The following GRID1 variants were observed in gnomAD, a reference collection of about 807,000 sequenced individuals.
GRID1 encodes glutamate receptor ionotropic, delta-1.
In GRID1, 28 loss-of-function variants were observed where a neutral mutation model predicts 98.0. The observed-to-expected ratio is 0.29, with a 90% CI of 0.21 to 0.39. The LOEUF (loss-of-function observed/expected upper bound fraction) is 0.39, where lower values mean the gene tolerates loss of function less well. Among genes scored for constraint, GRID1 ranks in the 10% least tolerant of loss-of-function variants. GRID1 has a pLI of 1.00. For missense variants in GRID1, 1,111 were observed against 1,340.5 expected, an observed-to-expected ratio of 0.83 and a Z score of 2.67; for synonymous variants, 553 against 538.5, an observed-to-expected ratio of 1.03 and a Z score of -0.37.
chr10:85,953,248 T>A (rs1842147999), intron 4 of GRID1, among the ~76,000 whole-genome samples: 1 of 152,122 alleles, frequency 6.6e-6, no homozygotes, highest in Non-Finnish European at 1.5e-5. Flanking sequence ...TGGAGGCCAT[T>A]ATTCTTAGCA....
intron 7 of GRID1, 34 bp downstream of exon 7, chr10:85,855,995 T>C: frequency 6.2e-7 from 1 of 1,605,976 alleles, no homozygotes; most frequent in Non-Finnish European, 8.5e-7. Flanking sequence ...GGGGCCTGTC[T>C]TTGGCCAGGT....
At chr10:85,748,054 G>C (rs1842013566) in intron 8 of GRID1, among the ~76,000 whole-genome samples, 1 of 152,132 alleles carries the variant, frequency 6.6e-6, no homozygotes, top group Admixed American at 6.5e-5. Context: ...TGTGTTCAGG[G>C]AAATGAGTCA....
At chr10:86,152,897 A>C (rs890406497) in intron 3 of GRID1, among the ~76,000 whole-genome samples, 2 of 152,188 alleles carry the variant, frequency 1.3e-5, no homozygotes, top group Non-Finnish European at 2.9e-5. Flanking sequence ...CCTCATGACA[A>C]GTGTTCTTTA....
chr10:86,203,884 C>T (rs1367667195), intron 3 of GRID1, among the ~76,000 whole-genome samples: 5 of 152,148 alleles, frequency 3.3e-5, no homozygotes, highest in Non-Finnish European at 5.9e-5. Context: ...AGCCCACACA[C>T]GGCCTCAGAA....
At chr10:85,678,574 C>A (rs1841171341) in intron 12 of GRID1, among the ~76,000 whole-genome samples, 1 of 152,152 alleles carries the variant, frequency 6.6e-6, no homozygotes, top group Non-Finnish European at 1.5e-5. Context: ...TGCACCATAT[C>A]TCTTCTCTAC....
chr10:85,900,550 G>A (rs866329764), intron 5 of GRID1, among the ~76,000 whole-genome samples: 4 of 152,120 alleles, frequency 2.6e-5, no homozygotes, highest in Admixed American at 1.3e-4. Context: ...TCTGCAAAAC[G>A]GCAATACACT....
intron 4 of GRID1, among the ~76,000 whole-genome samples, chr10:86,042,413 G>A (rs150877873): frequency 1.3e-5 from 2 of 152,144 alleles, no homozygotes; most frequent in African/African-American, 4.8e-5. Context: ...AGTACCTGGA[G>A]GAAAGGGATA....
intron 8 of GRID1, among the ~76,000 whole-genome samples, chr10:85,734,660 C>G (rs2356728): frequency 0.59 from 89,548 of 151,878 alleles, 27,711 homozygotes; most frequent in African/African-American, 0.78. Context: ...GGGTAGGAAA[C>G]TTTATTATTC....
intron 3 of GRID1, among the ~76,000 whole-genome samples, chr10:86,182,758 G>A (rs962364813): frequency 4.6e-5 from 7 of 152,116 alleles, no homozygotes; most frequent in African/African-American, 1.2e-4. Context: ...TTTCTCTCTC[G>A]TGTGTGACAG....
At chr10:85,694,582 A>G (rs1030589586) in intron 12 of GRID1, among the ~76,000 whole-genome samples, 2 of 90,380 alleles carry the variant, frequency 2.2e-5, no homozygotes, top group African/African-American at 6.0e-5. Flanking sequence ...ATATATATAT[A>G]TATATATATA....
At chr10:85,928,866 C>A (rs900146065) in intron 4 of GRID1, among the ~76,000 whole-genome samples, 1 of 152,178 alleles carries the variant, frequency 6.6e-6, no homozygotes, top group South Asian at 2.1e-4. Context: ...ACCCTCTTCA[C>A]CTTAGATCGT....
chr10:85,661,770 C>T (rs138190891), intron 12 of GRID1, among the ~76,000 whole-genome samples: 214 of 152,336 alleles, frequency 1.4e-3, no homozygotes, highest in Non-Finnish European at 2.4e-3. Context: ...AGGTAATGCA[C>T]AAAATTTAGC....
At chr10:86,321,985 G>A (rs759038640) in intron 2 of GRID1, among the ~76,000 whole-genome samples, 4 of 151,938 alleles carry the variant, frequency 2.6e-5, no homozygotes, top group African/African-American at 7.3e-5. Flanking sequence ...TCTGCTAAAC[G>A]AACGCACCCC....
rs1412467015 is a variant in GRID1 at position 86,299,397 on chromosome 10, AT to A, written c.235+64543del. ...TGTGCACAATGTGCAGGTTTGTTAC[AT>A]ATGTATACATGTGCCATGTTGGTGT... On this transcript the variant is annotated intron_variant, in intron 2 of 15. Transcript: ENST00000327946. Among the ~76,000 whole-genome samples the A allele has an allele frequency of 2.0e-5, 3 of 149,700 alleles. No homozygotes were observed. In the East Asian group the frequency reaches 5.9e-4, roughly 29 times the overall value.
intron 4 of GRID1, among the ~76,000 whole-genome samples, chr10:86,017,048 C>T (rs1292303259): frequency 6.6e-6 from 1 of 152,212 alleles, no homozygotes; most frequent in Non-Finnish European, 1.5e-5. Flanking sequence ...GAAGAAGTTA[C>T]ACACATGTAA....
intron 8 of GRID1, among the ~76,000 whole-genome samples, chr10:85,733,874 T>C (rs1459720519): frequency 1.3e-5 from 2 of 152,180 alleles, no homozygotes; most frequent in East Asian, 1.9e-4. Flanking sequence ...ATGTGTTACA[T>C]ATAGGTGATG....
intron 12 of GRID1, among the ~76,000 whole-genome samples, chr10:85,707,583 T>C (rs1564566237): frequency 1.3e-5 from 2 of 152,216 alleles, no homozygotes; most frequent in Non-Finnish European, 2.9e-5. Context: ...GAACTAGAAG[T>C]ACCATTTGAC....
intron 4 of GRID1, among the ~76,000 whole-genome samples, chr10:86,006,896 C>A (rs1842867226): frequency 6.6e-6 from 1 of 151,818 alleles, no homozygotes; most frequent in African/African-American, 2.4e-5. Context: ...GCAGGGGAAG[C>A]TGGCGGTGGT....
chr10:85,977,511 G>GA lies in GRID1; in HGVS notation c.727-61273dup, dbSNP rs550550944. ...GGCAGTGAGCTTGAACTCTGGAGAA[G>GA]AAAAAAATATGAAAAACAAGGGCAT... On this transcript the variant is annotated intron_variant, in intron 4 of 15. Transcript: ENST00000327946. Among the ~76,000 whole-genome samples the GA allele has an allele frequency of 1.8e-4, 28 of 152,100 alleles. No homozygotes were observed. In the East Asian group the frequency reaches 5.0e-3, roughly 27 times the overall value.
Sources: gnomAD v4.1 joint callset for allele counts (sites outside exome capture counted in the v4.1 genomes callset) on GRCh38, gnomAD v4.1.1 for gene constraint, MANE v1.5 for transcripts, NCBI Gene and HGNC (gene_info 2026-07-23, HGNC 2026-07-21) for gene names.